Variants in PPARD observed in about 807,000 individuals in gnomAD.
PPARD encodes peroxisome proliferator-activated receptor delta.
In PPARD, 6 loss-of-function variants were observed where a neutral mutation model predicts 39.5. The observed-to-expected ratio is 0.15, with a 90% CI of 0.08 to 0.30. PPARD has a LOEUF of 0.30. PPARD is among the 10% of genes least tolerant of loss of function. PPARD has a pLI of 1.00. For missense variants in PPARD, 397 were observed against 596.8 expected, an observed-to-expected ratio of 0.67 and a Z score of 3.49; for synonymous variants, 210 against 231.3, an observed-to-expected ratio of 0.91 and a Z score of 0.83.
At chr6:35,414,525 G>A (rs1336926416) in intron 3 of PPARD, among the ~76,000 whole-genome samples, 3 of 150,040 alleles carry the variant, frequency 2.0e-5, no homozygotes, top group Admixed American at 6.6e-5. Context: ...AGAAGGGCTT[G>A]GAGATCACAG....
At chr6:35,347,365 A>G (rs763432817) in intron 2 of PPARD, among the ~76,000 whole-genome samples, 1 of 152,164 alleles carries the variant, frequency 6.6e-6, no homozygotes, top group South Asian at 2.1e-4. Context: ...TTTCAGGAGC[A>G]TGGAGATTCC....
intron 2 of PPARD, among the ~76,000 whole-genome samples, chr6:35,362,077 A>G (rs1562175978): frequency 6.6e-6 from 1 of 152,226 alleles, no homozygotes; most frequent in African/African-American, 2.4e-5. Flanking sequence ...ATTATCACAC[A>G]TAAGTGGCTG....
chr6:35,385,600 C>G lies in PPARD; in HGVS notation c.-101-25387C>G, dbSNP rs1355886440. Among the ~76,000 whole-genome samples the G allele has an allele frequency of 2.9e-5, 4 of 139,410 alleles. No homozygotes were observed. In the East Asian group the frequency reaches 8.4e-4, roughly 29 times the overall value. 91.5% of individuals were successfully genotyped at this position (139,410 alleles called of 152,430 possible). A position where few individuals can be genotyped will look rare whatever the true frequency, so the allele number is the denominator to read the frequency against. On this transcript the variant is annotated intron_variant, in intron 2 of 7. Coordinates refer to ENST00000360694, the MANE Select transcript of PPARD (RefSeq NM_006238.5). ...TGTCCTATGACCCTGCCAAATCCCC[C>G]TCTGTGAGAAACACCCAAGAATTAT...
chr6:35,386,740 T>A (rs1408281356), intron 2 of PPARD, among the ~76,000 whole-genome samples: 1 of 152,090 alleles, frequency 6.6e-6, no homozygotes, highest in African/African-American at 2.4e-5. Context: ...CAGAATGGGC[T>A]GCTCTATAGA....
chr6:35,384,280 A>T (rs1232170766), intron 2 of PPARD, among the ~76,000 whole-genome samples: 2 of 120,966 alleles, frequency 1.7e-5, no homozygotes, highest in Non-Finnish European at 3.4e-5. Context: ...GCCCCCCGCC[A>T]GGCCAGCCGC....
intron 2 of PPARD, among the ~76,000 whole-genome samples, chr6:35,403,096 G>C (rs1229633370): frequency 1.3e-5 from 2 of 152,200 alleles, no homozygotes; most frequent in Non-Finnish European, 2.9e-5. Context: ...CTCCCTGCCG[G>C]TTCTCTCCCC....
intron 2 of PPARD, among the ~76,000 whole-genome samples, chr6:35,377,412 T>C (rs1762871134): frequency 6.6e-6 from 1 of 152,204 alleles, no homozygotes; most frequent in African/African-American, 2.4e-5. Context: ...TAGCGTGTCA[T>C]ATGAAGCTTT....
At chr6:35,416,933 G>A (rs1581662778) in intron 3 of PPARD, among the ~76,000 whole-genome samples, 1 of 151,788 alleles carries the variant, frequency 6.6e-6, no homozygotes, top group East Asian at 1.9e-4. Flanking sequence ...GTTACAGTAG[G>A]TTAAGTTACA....
chr6:35,395,827 C>T (rs1469217476), intron 2 of PPARD, among the ~76,000 whole-genome samples: 1 of 152,164 alleles, frequency 6.6e-6, no homozygotes, highest in Non-Finnish European at 1.5e-5. Context: ...TGGAAGTTAC[C>T]TCACTCTTCC....
chr6:35,374,099 G>A (rs555465696), intron 2 of PPARD, among the ~76,000 whole-genome samples: 4 of 152,262 alleles, frequency 2.6e-5, no homozygotes, highest in African/African-American at 9.6e-5. Context: ...TCTGCTGCTG[G>A]TGAATCTGTT....
chr6:35,383,501 A>G (rs1441731921), intron 2 of PPARD, among the ~76,000 whole-genome samples: 6 of 135,420 alleles, frequency 4.4e-5, no homozygotes, highest in African/African-American at 1.5e-4. Context: ...ATCGTCTGGG[A>G]TGTGGGGAGC....
At chr6:35,357,117 T>C (rs73745198) in intron 2 of PPARD, among the ~76,000 whole-genome samples, 6,904 of 152,290 alleles carry the variant, frequency 0.045, 313 homozygotes, top group African/African-American at 0.11. Context: ...AGAGGTGCCA[T>C]GTAGACTAGG....
chr6:35,406,948 G>T (rs953127597), intron 2 of PPARD, among the ~76,000 whole-genome samples: 2 of 152,164 alleles, frequency 1.3e-5, no homozygotes, highest in African/African-American at 4.8e-5. Flanking sequence ...GAGATGCCCT[G>T]TTGGGATCCT....
intron 1 of PPARD, among the ~76,000 whole-genome samples, chr6:35,343,148 G>T (rs1791957558): frequency 6.6e-6 from 1 of 151,924 alleles, no homozygotes; most frequent in Non-Finnish European, 1.5e-5. Flanking sequence ...CTTTTCCTCT[G>T]TCCCCCTCGT....
At position 35,411,173 on chromosome 6, in the gene PPARD, T is replaced by A; in HGVS notation, c.86T>A (p.Leu29His). Residue 29 changes from leucine to histidine, a missense_variant, in exon 3 of 8, where the codon CTC becomes CAC. By Grantham distance (99) the Leu-to-His change is moderately conservative (BLOSUM62 -3). Transcript: ENST00000360694. Reference protein sequence around the residue: ...EVAEAEGAPELNGGPQHALPS... With the variant: ...EVAEAEGAPEHNGGPQHALPS... ...GCAGAGGCAGAAGGAGCCCCAGAGC[T>A]CAATGGGGGACCACAGCATGCACTT... is the stretch of plus-strand genomic sequence containing the variant. 6.4e-7 allele frequency: 1 copy of A among 1,571,324 alleles called. No homozygotes were observed. Among genetic ancestry groups the A allele is most frequent in the Non-Finnish European group, 8.6e-7 (1 of 1,157,264 alleles).
At chr6:35,362,085 C>G (rs1290776579) in intron 2 of PPARD, among the ~76,000 whole-genome samples, 8 of 152,092 alleles carry the variant, frequency 5.3e-5, no homozygotes. Context: ...ACATAAGTGG[C>G]TGCTTTGATA....
chr6:35,410,955 C>G (rs200781035), intron 2 of PPARD, 32 bp from the exon 3 acceptor site: 1 of 1,262,658 alleles, frequency 7.9e-7, no homozygotes, highest in East Asian at 3.1e-5. Flanking sequence ...CACTGCCTCC[C>G]CTGACCTCTT....
intron 5 of PPARD, 112 bp downstream of exon 5, chr6:35,422,070 C>T (rs1017761497): frequency 1.5e-5 from 20 of 1,297,790 alleles, no homozygotes; most frequent in Admixed American, 3.0e-5. Flanking sequence ...CAGTGCCTGG[C>T]GCACAGTAAG....
In PPARD at chr6:35,425,818, C is replaced by G. The variant is rs745731900; in HGVS notation, c.1079-14C>G. ...GCCTTTCTGAGCTCCCTGGCGTGCC[C>G]TGTGTCCCCACAGACCGGCCAGGCC... On this transcript the variant is annotated splice_polypyrimidine_tract_variant and intron_variant, in intron 7 of 7. Coordinates refer to ENST00000360694, the MANE Select transcript of PPARD (RefSeq NM_006238.5). This position sits in a 1 kb window ranked among gnomAD's most constrained non-coding sequence, Gnocchi z 4.5. 3 of 1,613,140 alleles carry G rather than the reference C, an allele frequency of 1.9e-6. No individual in the cohort carries two copies. Among genetic ancestry groups the G allele is most frequent in the Non-Finnish European group, 2.5e-6 (3 of 1,179,582 alleles).
Sources: gnomAD v4.1 joint callset for allele counts (sites outside exome capture counted in the v4.1 genomes callset) on GRCh38, gnomAD v4.1.1 for gene constraint, Gnocchi (gnomAD v3.1) non-coding constraint, MANE v1.5 for transcripts, NCBI Gene and HGNC (gene_info 2026-07-23, HGNC 2026-07-21) for gene names.